Variants in CDH12 observed in about 807,000 individuals in gnomAD.
CDH12 encodes cadherin 12, also known as cadherin-12.
In CDH12, 41 loss-of-function variants were observed where a neutral mutation model predicts 74.1. The observed-to-expected ratio is 0.55, with a 90% CI of 0.43 to 0.72. CDH12 has a LOEUF of 0.72. Ranked by LOEUF, CDH12 falls within the 30% of genes least tolerant of loss-of-function variation. The pLI, the probability that CDH12 is intolerant of heterozygous loss-of-function variation, is 0.00. For synonymous variants in CDH12, 399 were observed against 355.0 expected (o/e 1.12, Z -1.39); for missense variants, 945 against 977.2 (o/e 0.97, Z 0.44).
At chr5:21,963,394 A>G (rs2150111840) in intron 6 of CDH12, among the ~76,000 whole-genome samples, 1 of 152,216 alleles carries the variant, frequency 6.6e-6, no homozygotes, top group South Asian at 2.1e-4. Context: ...TGAGAGCATT[A>G]AGCTTTAATC....
chr5:22,848,422 T>C (rs1554008654), intron 1 of CDH12, among the ~76,000 whole-genome samples: 6 of 152,184 alleles, frequency 3.9e-5, no homozygotes, highest in Non-Finnish European at 8.8e-5. Flanking sequence ...AGTGTAACCA[T>C]CTTGCAAGAC....
chr5:22,270,458 G>A (rs1736342999), intron 3 of CDH12, among the ~76,000 whole-genome samples: 1 of 151,852 alleles, frequency 6.6e-6, no homozygotes. Flanking sequence ...AGCCAGGCAT[G>A]GCGGCACATG....
At chr5:21,812,554 C>T (rs1451782737) in intron 9 of CDH12, among the ~76,000 whole-genome samples, 1 of 151,828 alleles carries the variant, frequency 6.6e-6, no homozygotes, top group Non-Finnish European at 1.5e-5. Flanking sequence ...CAGTCTTTAC[C>T]CAAAAGCATT....
intron 7 of CDH12, 68 bp downstream of exon 7, chr5:21,854,603 C>T: frequency 7.4e-7 from 1 of 1,354,704 alleles, no homozygotes; most frequent in Non-Finnish European, 1.0e-6. Context: ...ACTCCCCATG[C>T]CAAGATTTAA....
intron 2 of CDH12, among the ~76,000 whole-genome samples, chr5:22,495,305 C>T (rs905935285): frequency 1.3e-5 from 2 of 152,126 alleles, no homozygotes; most frequent in Admixed American, 6.6e-5. Flanking sequence ...CAGAAACATT[C>T]CTTAAAGATG....
At chr5:21,802,583 A>ATTTT (rs1488305945) in intron 9 of CDH12, among the ~76,000 whole-genome samples, 163 bp from the exon 10 acceptor site, 32 of 96,960 alleles carry the variant, frequency 3.3e-4, no homozygotes, top group Admixed American at 5.7e-4. Flanking sequence ...AAGGCAAACC[A>ATTTT]TTTTTTTTTC....
At chr5:22,302,407 T>C (rs60344795) in intron 3 of CDH12, among the ~76,000 whole-genome samples, 3,821 of 152,270 alleles carry the variant, frequency 0.025, 71 homozygotes, top group African/African-American at 0.052. Context: ...GGAGGCTTAT[T>C]TCATAACACT....
Position 22,428,208 on chromosome 5 carries a change from C to T in CDH12, c.-427-22857G>A, listed in dbSNP as rs12109528. Reference sequence around the variant, plus strand: ...ATACACACATATGTATATATATATACACACACACACACACACACACACAAT... The same window carrying T: ...ATACACACATATGTATATATATATATACACACACACACACACACACACAAT... On this transcript the variant is annotated intron_variant, in intron 2 of 14. Coordinates refer to ENST00000382254, the MANE Select transcript of CDH12 (RefSeq NM_004061.5). Among the ~76,000 whole-genome samples, 10 of 1,490 alleles carry T rather than the reference C, an allele frequency of 6.7e-3. 1 individual carries two copies. The highest frequency in any genetic ancestry group is 0.027 in the African/African-American group (4 of 146). 1.0% of individuals were successfully genotyped at this position (1,490 alleles called of 152,430 possible). A position where few individuals can be genotyped will look rare whatever the true frequency, so the allele number is the denominator to read the frequency against.
intron 6 of CDH12, among the ~76,000 whole-genome samples, chr5:21,868,480 C>T (rs1751449067): frequency 1.3e-5 from 2 of 152,136 alleles, no homozygotes; most frequent in Non-Finnish European, 2.9e-5. Flanking sequence ...GTATACCAAG[C>T]CCAGCAAAGT....
intron 1 of CDH12, among the ~76,000 whole-genome samples, chr5:22,799,610 C>T (rs950537569): frequency 1.3e-5 from 2 of 152,066 alleles, no homozygotes; most frequent in African/African-American, 4.8e-5. Context: ...AATACGTGTG[C>T]TCTTTAATTG....
At chr5:22,451,095 G>T (rs1217032432) in intron 2 of CDH12, among the ~76,000 whole-genome samples, 1 of 151,596 alleles carries the variant, frequency 6.6e-6, no homozygotes, top group African/African-American at 2.4e-5. Context: ...TCTATGCATT[G>T]CACTTACTAC....
intron 1 of CDH12, among the ~76,000 whole-genome samples, chr5:22,588,472 A>G (rs1384894100): frequency 6.6e-6 from 1 of 152,190 alleles, no homozygotes; most frequent in Non-Finnish European, 1.5e-5. Context: ...GCAAGGGTAG[A>G]ACATAAATGA....
chr5:21,855,036 G>A (rs753698160), intron 6 of CDH12, among the ~76,000 whole-genome samples: 6 of 151,610 alleles, frequency 4.0e-5, no homozygotes, highest in Non-Finnish European at 7.4e-5. Flanking sequence ...CTGGATCATC[G>A]AAATGAAAGT....
At chr5:21,830,397 T>C (rs955373847) in intron 8 of CDH12, among the ~76,000 whole-genome samples, 2 of 151,950 alleles carry the variant, frequency 1.3e-5, no homozygotes, top group African/African-American at 4.8e-5. Context: ...TACTGTCAGA[T>C]ATTTTAGTTG....
At chr5:22,229,706 AAATTT>A (rs1752319031) in intron 3 of CDH12, among the ~76,000 whole-genome samples, 1 of 152,100 alleles carries the variant, frequency 6.6e-6, no homozygotes, top group African/African-American at 2.4e-5. Flanking sequence ...GATTTACCTC[AAATTT>A]CATGCCCACA....
chr5:21,837,419 G>A (rs182863500), intron 8 of CDH12, among the ~76,000 whole-genome samples: 1 of 150,734 alleles, frequency 6.6e-6, no homozygotes, highest in African/African-American at 2.4e-5. Context: ...CTTAATTTGT[G>A]TAGCTTAAGC....
intron 1 of CDH12, among the ~76,000 whole-genome samples, chr5:22,647,258 G>T (rs1739482305): frequency 6.6e-6 from 1 of 151,746 alleles, no homozygotes. Context: ...AGGTAATGGT[G>T]TTACCTTAGG....
intron 1 of CDH12, among the ~76,000 whole-genome samples, chr5:22,588,765 C>T (rs1335774432): frequency 6.6e-6 from 1 of 152,138 alleles, no homozygotes; most frequent in East Asian, 1.9e-4. Flanking sequence ...GTCTTCTCTC[C>T]TGTCACAGTG....
chr5:22,486,039 T>C (rs1746578842), intron 2 of CDH12, among the ~76,000 whole-genome samples: 2 of 152,152 alleles, frequency 1.3e-5, no homozygotes, highest in Admixed American at 1.3e-4. Context: ...CTGGAAAGCC[T>C]CACCCACTGT....
Sources: gnomAD v4.1 joint callset for allele counts (sites outside exome capture counted in the v4.1 genomes callset) on GRCh38, gnomAD v4.1.1 for gene constraint, MANE v1.5 for transcripts, NCBI Gene and HGNC (gene_info 2026-07-23, HGNC 2026-07-21) for gene names.